Variants in MANSC1 observed in about 807,000 individuals in gnomAD.
The protein encoded by MANSC1 is MANSC domain containing 1, also known as MANSC domain-containing protein 1.
In MANSC1, 13 loss-of-function variants were observed where a neutral mutation model predicts 14.1. The ratio of observed to expected loss-of-function variants is 0.92; its 90% CI spans 0.60 to 1.46. MANSC1 has a LOEUF of 1.46. MANSC1 is among the 40% of genes most tolerant of loss of function. MANSC1 has a pLI of 0.00. For missense variants in MANSC1, 486 were observed against 511.4 expected, an observed-to-expected ratio of 0.95 and a Z score of 0.48; for synonymous variants, 227 against 200.7, an observed-to-expected ratio of 1.13 and a Z score of -1.11.
At position 12,343,134 on chromosome 12, in the gene MANSC1, C is replaced by G. The variant is rs763694565; in HGVS notation, c.181G>C (p.Glu61Gln). The change falls in exon 2 of 4, where the codon GAA becomes CAA. Residue 61 changes from glutamate (E) to glutamine (Q), a missense_variant. Transcript: ENST00000535902. ...GNEPVYTSTQ[E>Q]DCINSCCSTK... ...GAACAGCAAGAATTAATGCAGTCTTCTTGAGTTGAAGTATATACGGGCTCA... is the reference window on the plus strand; with the variant it reads ...GAACAGCAAGAATTAATGCAGTCTTGTTGAGTTGAAGTATATACGGGCTCA... 3.1e-6 allele frequency: 5 copies of G among 1,613,924 alleles called. No individual in the cohort carries two copies.
At chr12:12,344,475 CT>C (rs201589688) in intron 1 of MANSC1, among the ~76,000 whole-genome samples, 9,082 of 141,850 alleles carry the variant, frequency 0.064, 400 homozygotes, top group East Asian at 0.22. Flanking sequence ...CAGCCTATAT[CT>C]TTTTTTTTTT....
At chr12:12,331,101 G>A in intron 3 of MANSC1, 143 bp from the exon 4 acceptor site, 1 of 597,002 alleles carries the variant, frequency 1.7e-6, no homozygotes, top group Non-Finnish European at 2.9e-6. Context: ...CAGCACTTTG[G>A]GAGGCTAAGG....
intron 3 of MANSC1, among the ~76,000 whole-genome samples, chr12:12,335,981 G>A (rs948960676): frequency 1.3e-5 from 2 of 152,196 alleles, no homozygotes; most frequent in African/African-American, 2.4e-5. Context: ...TCAGGAGTTC[G>A]AGACCAGCCT....
chr12:12,339,850 T>C (rs1218144022), intron 2 of MANSC1, among the ~76,000 whole-genome samples: 1 of 152,034 alleles, frequency 6.6e-6, no homozygotes, highest in African/African-American at 2.4e-5. Flanking sequence ...TCTTGCTCTG[T>C]CATCCAAGCT....
chr12:12,334,285 A>G, intron 3 of MANSC1, among the ~76,000 whole-genome samples: 1 of 144,514 alleles, frequency 6.9e-6, no homozygotes, highest in African/African-American at 2.4e-5. Context: ...CCTTAAAAAA[A>G]AAGAAAAAAA....
chr12:12,337,940 G>A (rs1198295733), intron 3 of MANSC1, among the ~76,000 whole-genome samples: 1 of 152,132 alleles, frequency 6.6e-6, no homozygotes, highest in Non-Finnish European at 1.5e-5. Flanking sequence ...TTCCAGTCTA[G>A]ACAATAAAAT....
chr12:12,344,894 G>C (rs1862985323), intron 1 of MANSC1, among the ~76,000 whole-genome samples: 1 of 119,758 alleles, frequency 8.4e-6, no homozygotes, highest in South Asian at 2.7e-4. Flanking sequence ...GTGATCATGT[G>C]AGTTAATACT....
At chr12:12,331,350 A>G (rs1862787322) in intron 3 of MANSC1, among the ~76,000 whole-genome samples, 1 of 152,220 alleles carries the variant, frequency 6.6e-6, no homozygotes, top group Non-Finnish European at 1.5e-5. Context: ...GAGGAGGACC[A>G]GGCAAATTAA....
At chr12:12,343,526 G>A (rs974419723) in intron 1 of MANSC1, 112 bp from the exon 2 acceptor site, 4 of 517,344 alleles carry the variant, frequency 7.7e-6, no homozygotes, top group African/African-American at 3.8e-5. Flanking sequence ...ATTTAGAGAA[G>A]AAAAGATACA....
intron 2 of MANSC1, among the ~76,000 whole-genome samples, chr12:12,340,076 T>A (rs1862914863): frequency 6.6e-6 from 1 of 152,202 alleles, no homozygotes; most frequent in South Asian, 2.1e-4. Context: ...CCTCCCAAAG[T>A]ACTGGGATTA....
In MANSC1 at chr12:12,343,757, A is replaced by T. The variant is rs537266690; in HGVS notation, c.-100-343T>A. On this transcript the variant is annotated intron_variant, in intron 1 of 3. Coordinates refer to ENST00000535902, the MANE Select transcript of MANSC1 (RefSeq NM_018050.4). Reference sequence around the variant, plus strand: ...GGCACACATTTCTAGTCACTGATGAAGCAGTAGTAATAGGTTTGAGCATAT... The same window carrying T: ...GGCACACATTTCTAGTCACTGATGATGCAGTAGTAATAGGTTTGAGCATAT... 2.0e-5 allele frequency among the ~76,000 whole-genome samples: 3 copies of T among 152,310 alleles called. No homozygotes were observed. The East Asian group carries it at 5.8e-4, about 29-fold the overall frequency.
intron 1 of MANSC1, among the ~76,000 whole-genome samples, chr12:12,346,608 T>C (rs1050586971): frequency 7.9e-5 from 12 of 152,226 alleles, no homozygotes; most frequent in Admixed American, 5.2e-4. Context: ...GGGGATTCAA[T>C]GGAGAAAGGA....
intron 3 of MANSC1, among the ~76,000 whole-genome samples, chr12:12,335,856 A>T (rs1164449135): frequency 5.3e-5 from 8 of 151,004 alleles, no homozygotes; most frequent in South Asian, 2.1e-4. Flanking sequence ...AAAAAAATAA[A>T]AATAAAACTC....
chr12:12,342,127 A>G (rs1446377515), intron 2 of MANSC1, among the ~76,000 whole-genome samples: 1 of 152,212 alleles, frequency 6.6e-6, no homozygotes, highest in Admixed American at 6.5e-5. Flanking sequence ...CTTTTTACAG[A>G]GAACAGGGTC....
intron 1 of MANSC1, among the ~76,000 whole-genome samples, chr12:12,345,189 G>A (rs1318043140): frequency 3.3e-5 from 5 of 149,622 alleles, no homozygotes; most frequent in Non-Finnish European, 5.9e-5. Flanking sequence ...GTGTGATGGC[G>A]GGCAGCTGTA....
At chr12:12,340,082 G>A (rs1037980593) in intron 2 of MANSC1, among the ~76,000 whole-genome samples, 4 of 152,148 alleles carry the variant, frequency 2.6e-5, no homozygotes, top group African/African-American at 9.7e-5. Flanking sequence ...AAAGTACTGG[G>A]ATTACAGGCA....
In MANSC1 at chr12:12,343,377, T is replaced by C. The variant is rs1397539492; in HGVS notation, c.-63A>G. 5 of 1,220,884 alleles carry C rather than the reference T, an allele frequency of 4.1e-6. No homozygotes were observed. The African/African-American group carries it at 7.5e-5, about 18-fold the overall frequency. 75.6% of individuals were successfully genotyped at this position (1,220,884 alleles called of 1,614,324 possible). The stretch of plus-strand genomic sequence containing the variant: ...GGATAATCCTCCCTCTGGTCTTAGT[T>C]TGCTTTAAGAAGGCTGCACAGATGA... On this transcript the variant is annotated 5_prime_UTR_variant, in exon 2 of 4. Transcript: ENST00000535902.
intron 3 of MANSC1, among the ~76,000 whole-genome samples, chr12:12,336,595 C>G (rs936686407): frequency 3.3e-5 from 5 of 152,054 alleles, no homozygotes; most frequent in Non-Finnish European, 7.4e-5. Flanking sequence ...GGCATGAACA[C>G]AGCTCACTGC....
At chr12:12,340,493 T>A (rs182909285) in intron 2 of MANSC1, among the ~76,000 whole-genome samples, 1 of 152,298 alleles carries the variant, frequency 6.6e-6, no homozygotes, top group East Asian at 1.9e-4. Flanking sequence ...AGCACTTAGG[T>A]AAAGGGGAGG....
Sources: gnomAD v4.1 joint callset for allele counts (sites outside exome capture counted in the v4.1 genomes callset) on GRCh38, gnomAD v4.1.1 for gene constraint, MANE v1.5 for transcripts, NCBI Gene and HGNC (gene_info 2026-07-23, HGNC 2026-07-21) for gene names.